Variants in VPS52 observed in about 807,000 individuals in gnomAD.
VPS52 encodes the protein vacuolar protein sorting-associated protein 52 homolog.
A neutral mutation model predicts 98.7 loss-of-function variants in VPS52; 56 were observed. The ratio of observed to expected loss-of-function variants is 0.57; its 90% CI spans 0.46 to 0.71. The LOEUF (loss-of-function observed/expected upper bound fraction) is 0.71, where lower values mean the gene tolerates loss of function less well. VPS52 is among the 30% of genes least tolerant of loss of function. The pLI, the probability that VPS52 is intolerant of heterozygous loss-of-function variation, is 0.00. For missense variants in VPS52, 742 were observed against 925.9 expected (o/e 0.80, Z 2.58); for synonymous variants, 348 against 346.4 (o/e 1.00, Z -0.05).
chr6:33,256,855 A>AT (rs1763043248), intron 17 of VPS52, among the ~76,000 whole-genome samples: 1 of 138,008 alleles, frequency 7.2e-6, no homozygotes, highest in South Asian at 2.1e-4. Context: ...AAAAAAAAAA[A>AT]GAAAAGAAAA....
chr6:33,269,226 G>A (rs982747034), intron 5 of VPS52, 37 bp from the exon 6 acceptor site: 3 of 1,608,246 alleles, frequency 1.9e-6, no homozygotes, highest in African/African-American at 1.3e-5. Flanking sequence ...GTGCTATAGG[G>A]TTTGTAGGGG....
chr6:33,271,702 G>A lies in VPS52; in HGVS notation c.-27C>T, dbSNP rs17215210. The A allele has an allele frequency of 0.022, 34,632 of 1,591,328 alleles. 663 individuals carry two copies. The highest frequency in any genetic ancestry group is 0.087 in the African/African-American group (6,498 of 74,310). On this transcript the variant is annotated 5_prime_UTR_variant, in exon 1 of 20. Transcript: ENST00000445902. ...CCCCGCAGCCTCACTTCCGGCAACT[G>A]TCAGTCCCGGCGAGTCCGTTCCCCG...
At chr6:33,253,943 G>A (rs946934478) in intron 17 of VPS52, among the ~76,000 whole-genome samples, 13 of 151,744 alleles carry the variant, frequency 8.6e-5, no homozygotes, top group Non-Finnish European at 1.8e-4. Context: ...GATGCCTGGG[G>A]GTTCACTATG....
chr6:33,252,046 T>C (rs1454810640), intron 17 of VPS52, 75 bp from the exon 18 acceptor site: 7 of 1,201,398 alleles, frequency 5.8e-6, no homozygotes, highest in African/African-American at 3.0e-5. Flanking sequence ...TCATGACTAA[T>C]GTAGATCCAT....
chr6:33,252,659 G>GA (rs1454904584), intron 17 of VPS52, among the ~76,000 whole-genome samples: 1 of 149,260 alleles, frequency 6.7e-6, no homozygotes, highest in Non-Finnish European at 1.5e-5. Flanking sequence ...GAACAGACTT[G>GA]AAAAAAGGAA....
chr6:33,254,248 T>C (rs1762667332), intron 17 of VPS52, among the ~76,000 whole-genome samples: 1 of 152,096 alleles, frequency 6.6e-6, no homozygotes, highest in Non-Finnish European at 1.5e-5. Context: ...CACTCCAGCC[T>C]GGGCGACAGA....
At chr6:33,257,827 G>T (rs1209097500) in intron 17 of VPS52, among the ~76,000 whole-genome samples, 3 of 152,106 alleles carry the variant, frequency 2.0e-5, no homozygotes, top group African/African-American at 7.2e-5. Context: ...GGGCAACATA[G>T]TGAGACTCTG....
In VPS52 at chr6:33,251,704, A is replaced by G. The variant is rs553413764; in HGVS notation, c.1907-68T>C. 127 of 1,443,362 alleles carry G rather than the reference A, an allele frequency of 8.8e-5. No individual in the cohort carries two copies. In the East Asian group the frequency reaches 1.9e-3, roughly 21 times the overall value. 89.4% of individuals were successfully genotyped at this position (1,443,362 alleles called of 1,614,324 possible). A position where few individuals can be genotyped will look rare whatever the true frequency, so the allele number is the denominator to read the frequency against. On this transcript the variant is annotated intron_variant, in intron 18 of 19. Transcript: ENST00000445902. ...TCTTCAACTCCACTAAGTTCTCCCC[A>G]AGGTATAGCCATCCTTATCATCAAA...
At chr6:33,261,409 G>A (rs1312810384) in intron 17 of VPS52, among the ~76,000 whole-genome samples, 2 of 151,550 alleles carry the variant, frequency 1.3e-5, no homozygotes, top group Non-Finnish European at 2.9e-5. Flanking sequence ...AGAGGTTGCA[G>A]TGAGCCAATA....
At chr6:33,271,460 G>A (rs536631280) in intron 1 of VPS52, 126 bp downstream of exon 1, 8 of 1,369,552 alleles carry the variant, frequency 5.8e-6, no homozygotes, top group Admixed American at 2.0e-5. Flanking sequence ...GGAAGGGTAC[G>A]GGGAGCCAAA....
At chr6:33,258,651 C>G (rs955620110) in intron 17 of VPS52, among the ~76,000 whole-genome samples, 12 of 152,040 alleles carry the variant, frequency 7.9e-5, no homozygotes, top group Non-Finnish European at 1.3e-4. Context: ...GTGGCATAAT[C>G]TTGGCTCACT....
upstream of VPS52, chr6:33,271,934 C>G: frequency 9.5e-7 from 1 of 1,052,658 alleles, no homozygotes; most frequent in East Asian, 2.6e-5. Context: ...TAAAGAAAGG[C>G]GCACCGGAAG....
intron 1 of VPS52, chr6:33,271,137 C>T: frequency 2.1e-6 from 1 of 476,956 alleles, no homozygotes; most frequent in Non-Finnish European, 3.8e-6. Context: ...TAGTGTTTAC[C>T]TGCATGCCAG....
chr6:33,269,853 A>T, intron 3 of VPS52, 34 bp from the exon 4 acceptor site: 1 of 1,607,078 alleles, frequency 6.2e-7, no homozygotes, highest in Non-Finnish European at 8.5e-7. Context: ...GTCAGAAGGA[A>T]GTCTCAGTAA....
chr6:33,269,413 GATGACCTAAAAA>G (rs1231964149), intron 5 of VPS52, 65 bp downstream of exon 5: 1 of 1,583,906 alleles, frequency 6.3e-7, no homozygotes, highest in East Asian at 2.2e-5. Flanking sequence ...TCTTGAGGCT[GATGACCTAAAAA>G]TGGCACCAGA....
chr6:33,263,579 T>C (rs538078112), intron 16 of VPS52, 30 bp from the exon 17 acceptor site: 3 of 1,613,902 alleles, frequency 1.9e-6, no homozygotes, highest in Admixed American at 3.3e-5. Context: ...AATGTCTAGT[T>C]TGGGGAAAGC....
chr6:33,250,856 A>T lies in VPS52; in HGVS notation c.2157T>A (p.His719Gln). 3.1e-6 allele frequency: 5 copies of T among 1,612,284 alleles called. No homozygotes were observed. The highest frequency in any genetic ancestry group is 4.2e-6 in the Non-Finnish European group (5 of 1,179,458). Residue 719 changes from histidine to glutamine, a missense_variant, in exon 20 of 20, where the codon CAT becomes CAA. By Grantham distance (24) the His-to-Gln change is conservative. Around this residue, in one of 2 missense-constraint regions of VPS52, gnomAD observed 590 missense variants for 793.3 expected, o/e 0.74. Transcript: ENST00000445902. Reference sequence around the variant, plus strand: ...TTCTGGCACATCAGAAGTTGGGCTTATGCTTCTTGAGCTCCACCATAAGGT... The same window carrying T: ...TTCTGGCACATCAGAAGTTGGGCTTTTGCTTCTTGAGCTCCACCATAAGGT... ...IHHLMVELKKHKPNF is the reference protein window; with the variant it reads ...IHHLMVELKKQKPNF
At chr6:33,255,471 T>C (rs1179994901) in intron 17 of VPS52, among the ~76,000 whole-genome samples, 1 of 59,382 alleles carries the variant, frequency 1.7e-5, no homozygotes, top group African/African-American at 6.0e-5. Flanking sequence ...GCTTTTTTTT[T>C]TTTTTTTTTT....
chr6:33,271,575 C>A lies in VPS52; in HGVS notation c.90+11G>T. 2 of 1,596,882 alleles carry A rather than the reference C, an allele frequency of 1.3e-6. No homozygotes were observed. The highest frequency in any genetic ancestry group is 1.7e-6 in the Non-Finnish European group (2 of 1,171,706). ...CGGAACTACGGAGGAGAAACAGCTCCGCGCTCTCACCAGCGGGCCCTCTTC... is the reference window on the plus strand; with the variant it reads ...CGGAACTACGGAGGAGAAACAGCTCAGCGCTCTCACCAGCGGGCCCTCTTC... On this transcript the variant is annotated intron_variant, in intron 1 of 19. Coordinates refer to ENST00000445902, the MANE Select transcript of VPS52 (RefSeq NM_022553.6).
Sources: allele counts gnomAD v4.1 joint callset (sites outside exome capture counted in the v4.1 genomes callset), GRCh38; gene constraint gnomAD v4.1.1; regional missense constraint gnomAD v4.1.1; transcripts MANE v1.5; gene names NCBI Gene and HGNC (gene_info 2026-07-23, HGNC 2026-07-21).